Variants in MLIP observed in about 807,000 individuals in gnomAD.
MLIP encodes muscular LMNA interacting protein.
A neutral mutation model predicts 84.8 loss-of-function variants in MLIP; 79 were observed. The ratio of observed to expected loss-of-function variants is 0.93; its 90% confidence interval spans 0.78 to 1.12. The LOEUF is 1.12. Among genes scored for constraint, MLIP ranks in the 50% most tolerant of loss-of-function variants. The pLI, the probability that MLIP is intolerant of heterozygous loss-of-function variation, is 0.00. For missense variants in MLIP, 1,257 were observed against 1,160.6 expected, an observed-to-expected ratio of 1.08 and a Z score of -1.21; for synonymous variants, 504 against 463.0, an observed-to-expected ratio of 1.09 and a Z score of -1.14.
chr6:54,177,460 C>G (rs1213850030), intron 9 of MLIP, among the ~76,000 whole-genome samples: 1 of 152,144 alleles, frequency 6.6e-6, no homozygotes, highest in Non-Finnish European at 1.5e-5. Context: ...CATCACAGAT[C>G]ATTAGAGAAA....
At chr6:54,127,749 A>T (rs1771044965) in intron 3 of MLIP, among the ~76,000 whole-genome samples, 1 of 152,186 alleles carries the variant, frequency 6.6e-6, no homozygotes, top group South Asian at 2.1e-4. Context: ...GTGCTTCCTG[A>T]AGTGGCATGT....
Position 54,231,000 on chromosome 6 carries a change from A to G in MLIP, c.2922+83A>G. 1.8e-6 allele frequency: 2 copies of G among 1,129,734 alleles called. 1 individual carries two copies. Among genetic ancestry groups the G allele is most frequent in the South Asian group, 2.8e-5 (2 of 70,606 alleles). 70.0% of individuals were successfully genotyped at this position (1,129,734 alleles called of 1,614,324 possible). ...GACTTTTAAAACTTAAATGTGGAGGAAACATGTGTTAGGAATATTTAAATA... is the reference window on the plus strand; with the variant it reads ...GACTTTTAAAACTTAAATGTGGAGGGAACATGTGTTAGGAATATTTAAATA... On this transcript the variant is annotated intron_variant, in intron 12 of 13. Coordinates refer to ENST00000502396, the MANE Select transcript of MLIP (RefSeq NM_001281747.2).
chr6:54,060,617 T>A (rs754023581), intron 1 of MLIP, among the ~76,000 whole-genome samples: 4 of 152,198 alleles, frequency 2.6e-5, no homozygotes, highest in Non-Finnish European at 4.4e-5. Context: ...CAGTTACATT[T>A]CGATATCTTT....
At chr6:54,211,889 C>T (rs1779475029) in intron 11 of MLIP, among the ~76,000 whole-genome samples, 1 of 152,156 alleles carries the variant, frequency 6.6e-6, no homozygotes, top group African/African-American at 2.4e-5. Context: ...TTTATCCCTG[C>T]CAAGGGCAAT....
Position 54,192,310 on chromosome 6 carries a change from AT to A in MLIP, c.2589+2397del, listed in dbSNP as rs555126624. Among the ~76,000 whole-genome samples, 150 of 152,010 alleles carry A rather than the reference AT, an allele frequency of 9.9e-4. No individual in the cohort carries two copies. In the Middle Eastern group the frequency reaches 0.028, roughly 28 times the overall value. On this transcript the variant is annotated intron_variant, in intron 10 of 13. Coordinates refer to ENST00000502396, the MANE Select transcript of MLIP (RefSeq NM_001281747.2). Reference sequence around the variant, plus strand: ...AGTAAGCATATCACATTAAAAAAAAATCTCTTCTACTGATATGTTTATTTTA... The same window carrying A: ...AGTAAGCATATCACATTAAAAAAAAACTCTTCTACTGATATGTTTATTTTA...
chr6:54,027,836 G>T (rs904653425), intron 1 of MLIP, among the ~76,000 whole-genome samples: 1 of 152,192 alleles, frequency 6.6e-6, no homozygotes, highest in Non-Finnish European at 1.5e-5. Context: ...CTGTTTGAAT[G>T]GATCTTTTGA....
At chr6:54,026,196 A>G (rs1315008916) in intron 1 of MLIP, among the ~76,000 whole-genome samples, 1 of 152,132 alleles carries the variant, frequency 6.6e-6, no homozygotes, top group Non-Finnish European at 1.5e-5. Context: ...AGATGTCAAT[A>G]AGAGGATTAT....
intron 5 of MLIP, among the ~76,000 whole-genome samples, chr6:54,152,155 G>A (rs1274788586): frequency 6.6e-6 from 1 of 152,080 alleles, no homozygotes; most frequent in Non-Finnish European, 1.5e-5. Context: ...GGCTTCATCA[G>A]GGTCCTTGGC....
chr6:54,033,116 T>C (rs1429433390), intron 1 of MLIP, among the ~76,000 whole-genome samples: 3 of 152,186 alleles, frequency 2.0e-5, no homozygotes, highest in Non-Finnish European at 4.4e-5. Context: ...TAGTTTAAGA[T>C]AAACTGAGTA....
At chr6:54,152,673 A>C (rs1323641065) in intron 5 of MLIP, among the ~76,000 whole-genome samples, 1 of 152,110 alleles carries the variant, frequency 6.6e-6, no homozygotes, top group Non-Finnish European at 1.5e-5. Context: ...CAGCCAAACC[A>C]TATCAGTCTT....
intron 1 of MLIP, among the ~76,000 whole-genome samples, chr6:54,025,971 T>C (rs577829426): frequency 3.2e-4 from 48 of 152,274 alleles, no homozygotes; most frequent in Non-Finnish European, 6.3e-4. Flanking sequence ...AGTTGACATC[T>C]AAAATACCCT....
intron 11 of MLIP, chr6:54,218,215 A>G (rs1277327216): frequency 1.9e-5 from 3 of 158,078 alleles, no homozygotes. Context: ...AGCCCATTAC[A>G]CCTAGGGTAT....
intron 10 of MLIP, among the ~76,000 whole-genome samples, chr6:54,196,104 T>G (rs1471714470): frequency 5.9e-5 from 9 of 152,058 alleles, no homozygotes; most frequent in Non-Finnish European, 7.4e-5. Context: ...AAGTTCCCTC[T>G]TTGTGAATTA....
chr6:54,108,007 T>A (rs1769140698), upstream of MLIP, among the ~76,000 whole-genome samples: 2 of 152,162 alleles, frequency 1.3e-5, no homozygotes, highest in African/African-American at 4.8e-5. Flanking sequence ...AGAGGATTAT[T>A]TGTTCTGTAT....
At chr6:54,022,465 CAA>C (rs1763549541) in intron 1 of MLIP, among the ~76,000 whole-genome samples, 1 of 152,054 alleles carries the variant, frequency 6.6e-6, no homozygotes, top group Non-Finnish European at 1.5e-5. Context: ...TAATGATAGA[CAA>C]AGAGATACAT....
intron 1 of MLIP, among the ~76,000 whole-genome samples, chr6:54,033,260 G>A (rs1208222936): frequency 6.6e-6 from 1 of 151,526 alleles, no homozygotes; most frequent in Non-Finnish European, 1.5e-5. Flanking sequence ...TGCAGTTGGA[G>A]GAACTAATTT....
At chr6:54,027,641 C>T (rs1763897645) in intron 1 of MLIP, among the ~76,000 whole-genome samples, 1 of 152,090 alleles carries the variant, frequency 6.6e-6, no homozygotes, top group Admixed American at 6.6e-5. Flanking sequence ...TTCTTTCTTA[C>T]ATTAAGGAAA....
chr6:54,120,492 G>T (rs1770353704), intron 1 of MLIP, among the ~76,000 whole-genome samples: 2 of 152,288 alleles, frequency 1.3e-5, no homozygotes, highest in Admixed American at 1.3e-4. Flanking sequence ...GCCCGCCTTG[G>T]CCTCCCAAAG....
At chr6:54,115,245 G>C (rs1353881880) in intron 1 of MLIP, among the ~76,000 whole-genome samples, 2 of 152,148 alleles carry the variant, frequency 1.3e-5, no homozygotes, top group African/African-American at 4.8e-5. Flanking sequence ...TAGGGGATTA[G>C]ACTTAGTGAG....
Sources: gnomAD v4.1 joint callset for allele counts (sites outside exome capture counted in the v4.1 genomes callset) on GRCh38, gnomAD v4.1.1 for gene constraint, MANE v1.5 for transcripts, NCBI Gene and HGNC (gene_info 2026-07-23, HGNC 2026-07-21) for gene names.